Variants in TMEM163 observed in about 807,000 individuals in gnomAD.
TMEM163 encodes transmembrane protein 163.
A neutral mutation model predicts 29.3 loss-of-function variants in TMEM163; 17 were observed. That is an observed-to-expected ratio of 0.58 (90% CI 0.40 to 0.87). The LOEUF (loss-of-function observed/expected upper bound fraction) is 0.87, where lower values mean the gene tolerates loss of function less well. Ranked by LOEUF, TMEM163 falls within the 40% of genes least tolerant of loss-of-function variation. The pLI, the probability that TMEM163 is intolerant of heterozygous loss-of-function variation, is 0.00. For synonymous variants in TMEM163, 157 were observed against 160.6 expected (o/e 0.98, Z 0.17); for missense variants, 303 against 381.5 (o/e 0.79, Z 1.71).
At chr2:134,638,371 T>C (rs1464194008) in intron 2 of TMEM163, among the ~76,000 whole-genome samples, 1 of 152,120 alleles carries the variant, frequency 6.6e-6, no homozygotes, top group Non-Finnish European at 1.5e-5. Context: ...TAAATCCTAG[T>C]AGAAGTGGAA....
chr2:134,516,661 TCATA>T (rs887588782), intron 4 of TMEM163, among the ~76,000 whole-genome samples: 7 of 146,918 alleles, frequency 4.8e-5, no homozygotes, highest in Non-Finnish European at 7.5e-5. Context: ...ATACATATAT[TCATA>T]CATATAGTCA....
At chr2:134,479,351 T>C (rs1686991814) in intron 5 of TMEM163, among the ~76,000 whole-genome samples, 1 of 152,186 alleles carries the variant, frequency 6.6e-6, no homozygotes, top group Non-Finnish European at 1.5e-5. Flanking sequence ...TTCCAAGAGC[T>C]AGTAATGCTT....
intron 2 of TMEM163, among the ~76,000 whole-genome samples, chr2:134,689,566 A>G (rs111762870): frequency 9.8e-5 from 15 of 152,320 alleles, no homozygotes; most frequent in Non-Finnish European, 1.9e-4. Context: ...CTGCCACTCA[A>G]AGGAACTCAG....
At chr2:134,552,645 A>C (rs1680956206) in intron 2 of TMEM163, among the ~76,000 whole-genome samples, 1 of 149,886 alleles carries the variant, frequency 6.7e-6, no homozygotes, top group African/African-American at 2.5e-5. Flanking sequence ...TAATTACGAC[A>C]TATTTTGATC....
At position 134,649,850 on chromosome 2, in the gene TMEM163, C is replaced by T. The variant is rs151132293; in HGVS notation, c.322+63350G>A. 1.1e-3 allele frequency among the ~76,000 whole-genome samples: 172 copies of T among 151,572 alleles called. 1 individual carries two copies. Among genetic ancestry groups the T allele is most frequent in the African/African-American group, 3.8e-3 (159 of 41,328 alleles). On this transcript the variant is annotated intron_variant, in intron 2 of 7. Coordinates refer to ENST00000281924, the MANE Select transcript of TMEM163 (RefSeq NM_030923.5). Reference sequence around the variant, plus strand: ...GCAATGTAGTGAACACTTGCCTCTACAAAAAATTAGCCAGGCATGGTAGCA... The same window carrying T: ...GCAATGTAGTGAACACTTGCCTCTATAAAAAATTAGCCAGGCATGGTAGCA...
intron 5 of TMEM163, among the ~76,000 whole-genome samples, chr2:134,497,047 G>T (rs1325583926): frequency 6.6e-6 from 1 of 152,098 alleles, no homozygotes; most frequent in East Asian, 1.9e-4. Context: ...TACTGGGGAA[G>T]GTCCCCACAT....
In TMEM163 at chr2:134,588,973, G is replaced by C. The variant is rs138453037; in HGVS notation, c.323-36882C>G. 7.4e-4 allele frequency among the ~76,000 whole-genome samples: 113 copies of C among 152,272 alleles called. 3 individuals are homozygous for C. In the East Asian group the frequency reaches 0.016, roughly 22 times the overall value. On this transcript the variant is annotated intron_variant, in intron 2 of 7. Coordinates refer to ENST00000281924, the MANE Select transcript of TMEM163 (RefSeq NM_030923.5). ...AGGAAATGGGGGACATTTCACATTA[G>C]AGGGAATAGGCGATACCCCTCAAAA... is the stretch of plus-strand genomic sequence containing the variant.
At chr2:134,470,624 C>G (rs899712450) in intron 5 of TMEM163, among the ~76,000 whole-genome samples, 1 of 152,168 alleles carries the variant, frequency 6.6e-6, no homozygotes, top group South Asian at 2.1e-4. Flanking sequence ...GGCTGCAGCT[C>G]ACCACTGCTG....
intron 2 of TMEM163, among the ~76,000 whole-genome samples, chr2:134,670,881 C>A (rs530913494): frequency 5.6e-4 from 85 of 152,350 alleles, no homozygotes; most frequent in African/African-American, 1.9e-3. Context: ...TAAGTGCTTG[C>A]ATAAACAAAA....
At chr2:134,545,210 C>T (rs924436233) in intron 4 of TMEM163, among the ~76,000 whole-genome samples, 3 of 152,152 alleles carry the variant, frequency 2.0e-5, no homozygotes, top group African/African-American at 4.8e-5. Flanking sequence ...CCACTGTCAC[C>T]AGACCAGTGT....
At chr2:134,574,737 T>C (rs1681509197) in intron 2 of TMEM163, among the ~76,000 whole-genome samples, 1 of 152,168 alleles carries the variant, frequency 6.6e-6, no homozygotes, top group Admixed American at 6.5e-5. Context: ...ATTAACAGGA[T>C]CCAGCATGCT....
chr2:134,665,773 C>T (rs998815586), intron 2 of TMEM163, among the ~76,000 whole-genome samples: 6 of 152,160 alleles, frequency 3.9e-5, no homozygotes, highest in African/African-American at 1.4e-4. Flanking sequence ...TCAGCCTCTC[C>T]GGACCTCAGC....
intron 2 of TMEM163, among the ~76,000 whole-genome samples, chr2:134,556,573 A>C (rs1681053724): frequency 6.6e-6 from 1 of 152,188 alleles, no homozygotes; most frequent in Non-Finnish European, 1.5e-5. Context: ...TAATCCCAGC[A>C]CTTAGGGAGG....
At chr2:134,474,982 C>T (rs1458783641) in intron 5 of TMEM163, among the ~76,000 whole-genome samples, 4 of 151,944 alleles carry the variant, frequency 2.6e-5, no homozygotes, top group Non-Finnish European at 4.4e-5. Context: ...TAAAAATGGA[C>T]AAGTTGATTT....
intron 5 of TMEM163, among the ~76,000 whole-genome samples, chr2:134,473,263 C>T (rs185120699): frequency 1.3e-5 from 2 of 152,198 alleles, no homozygotes; most frequent in African/African-American, 2.4e-5. Context: ...AGACCAGGTG[C>T]GGTGGCTCAC....
intron 2 of TMEM163, among the ~76,000 whole-genome samples, chr2:134,598,912 C>G (rs1163576335): frequency 8.0e-6 from 1 of 125,758 alleles, no homozygotes; most frequent in African/African-American, 3.2e-5. Flanking sequence ...CAGAGTGAGA[C>G]TCTATCTCAA....
intron 4 of TMEM163, among the ~76,000 whole-genome samples, chr2:134,530,583 C>T (rs1680396497): frequency 6.6e-6 from 1 of 152,094 alleles, no homozygotes; most frequent in Non-Finnish European, 1.5e-5. Flanking sequence ...GGCCTACTTC[C>T]CAATATAAAA....
chr2:134,679,240 G>A (rs1684181265), intron 2 of TMEM163, among the ~76,000 whole-genome samples: 1 of 152,228 alleles, frequency 6.6e-6, no homozygotes, highest in South Asian at 2.1e-4. Context: ...GCGGAGCCAT[G>A]CTGGGGCGCA....
At chr2:134,564,814 G>A (rs753958427) in intron 2 of TMEM163, among the ~76,000 whole-genome samples, 18 of 152,182 alleles carry the variant, frequency 1.2e-4, no homozygotes, top group South Asian at 2.1e-4. Context: ...CATACTCAAA[G>A]TGTGACTAAA....
Sources: gnomAD v4.1 joint callset for allele counts (sites outside exome capture counted in the v4.1 genomes callset) on GRCh38, gnomAD v4.1.1 for gene constraint, MANE v1.5 for transcripts, NCBI Gene and HGNC (gene_info 2026-07-23, HGNC 2026-07-21) for gene names.